Variants in CSTPP1 observed in about 807,000 individuals in gnomAD.
CSTPP1 encodes UPF0705 protein C11orf49.
chr11:46,971,341 A>G, the CSTPP1 span, among the ~76,000 whole-genome samples: 4 of 152,222 alleles, frequency 2.6e-5, no homozygotes, highest in South Asian at 8.3e-4. Flanking sequence ...ACAGAACTTT[A>G]TATTGGGACA....
chr11:47,116,889 G>C, the CSTPP1 span, among the ~76,000 whole-genome samples: 1 of 151,956 alleles, frequency 6.6e-6, no homozygotes, highest in Non-Finnish European at 1.5e-5. Flanking sequence ...CACCATGTTA[G>C]CTAGGATGGC....
chr11:47,005,553 A>C, the CSTPP1 span, among the ~76,000 whole-genome samples: 1 of 152,218 alleles, frequency 6.6e-6, no homozygotes, highest in Non-Finnish European at 1.5e-5. Flanking sequence ...TGAGTCTTAT[A>C]GAGGAGTTTG....
the CSTPP1 span, among the ~76,000 whole-genome samples, chr11:47,030,005 TA>T: frequency 6.6e-6 from 1 of 151,596 alleles, no homozygotes; most frequent in East Asian, 1.9e-4. Context: ...TGCACACCTG[TA>T]GTCCCAGCTA....
the CSTPP1 span, among the ~76,000 whole-genome samples, chr11:46,965,479 C>T: frequency 6.6e-6 from 1 of 152,100 alleles, no homozygotes; most frequent in Non-Finnish European, 1.5e-5. Context: ...CCCGCCTGGG[C>T]CTCCCAAAGT....
the CSTPP1 span, among the ~76,000 whole-genome samples, chr11:47,037,503 C>G: frequency 8.5e-6 from 1 of 117,498 alleles, no homozygotes; most frequent in Non-Finnish European, 2.0e-5. Flanking sequence ...GAACAAAGGT[C>G]TCTGGTTTTC....
chr11:47,056,549 C>A, the CSTPP1 span, among the ~76,000 whole-genome samples: 12 of 152,270 alleles, frequency 7.9e-5, no homozygotes, highest in Non-Finnish European at 1.6e-4. Context: ...TCTCCTTGTG[C>A]CATAAACAAG....
the CSTPP1 span, among the ~76,000 whole-genome samples, chr11:46,989,128 G>A: frequency 6.6e-6 from 1 of 151,982 alleles, no homozygotes; most frequent in African/African-American, 2.4e-5. Flanking sequence ...TACTAGGGAG[G>A]CTGAGGCAGG....
At chr11:47,074,212 A>C in the CSTPP1 span, among the ~76,000 whole-genome samples, 2 of 152,056 alleles carry the variant, frequency 1.3e-5, no homozygotes, top group African/African-American at 4.8e-5. Flanking sequence ...ACAACAAATC[A>C]AAAAGCACCA....
the CSTPP1 span, chr11:47,162,116 G>A: frequency 1.0e-6 from 1 of 986,508 alleles, no homozygotes; most frequent in Non-Finnish European, 1.2e-6. Flanking sequence ...AGAACAGCCA[G>A]TAGCCTTGGT....
the CSTPP1 span, among the ~76,000 whole-genome samples, chr11:47,092,690 C>T: frequency 6.6e-6 from 1 of 152,196 alleles, no homozygotes; most frequent in African/African-American, 2.4e-5. Context: ...CACCTAACAT[C>T]CAGTCCAGTG....
the CSTPP1 span, among the ~76,000 whole-genome samples, chr11:47,117,877 C>CTTTTTT: frequency 9.0e-5 from 6 of 66,348 alleles, no homozygotes; most frequent in African/African-American, 2.5e-4. Flanking sequence ...TATTTCTTTT[C>CTTTTTT]TTTTTTTTTT....
At chr11:46,977,305 C>T in the CSTPP1 span, among the ~76,000 whole-genome samples, 6 of 152,232 alleles carry the variant, frequency 3.9e-5, no homozygotes, top group East Asian at 1.2e-3. Context: ...AGGGAGGCGC[C>T]AGCACAGCAG....
chr11:46,969,630 A>G, the CSTPP1 span, among the ~76,000 whole-genome samples: 6 of 152,368 alleles, frequency 3.9e-5, no homozygotes, highest in East Asian at 9.6e-4. Context: ...AATGCCGTCA[A>G]CAGTGGAACT....
At chr11:46,937,641 C>G in the CSTPP1 span, among the ~76,000 whole-genome samples, 1 of 152,184 alleles carries the variant, frequency 6.6e-6, no homozygotes, top group South Asian at 2.1e-4. Flanking sequence ...GCGATCTTGG[C>G]TCACTGCAAG....
the CSTPP1 span, among the ~76,000 whole-genome samples, chr11:47,021,118 G>T: frequency 6.6e-6 from 1 of 152,114 alleles, no homozygotes; most frequent in African/African-American, 2.4e-5. Context: ...TCATTGTTGT[G>T]GTTGTTGTTA....
At chr11:47,080,896 C>G in the CSTPP1 span, among the ~76,000 whole-genome samples, 2 of 151,278 alleles carry the variant, frequency 1.3e-5, no homozygotes, top group South Asian at 4.2e-4. Context: ...GTAGTGCTAG[C>G]TACTGGGAAG....
chr11:47,116,372 G>A, the CSTPP1 span, among the ~76,000 whole-genome samples: 1 of 152,202 alleles, frequency 6.6e-6, no homozygotes, highest in East Asian at 1.9e-4. Flanking sequence ...GGATATCCTT[G>A]TTAACCTTAT....
the CSTPP1 span, among the ~76,000 whole-genome samples, chr11:47,109,957 T>G: frequency 8.5e-5 from 13 of 152,292 alleles, no homozygotes; most frequent in East Asian, 2.3e-3. Flanking sequence ...GTCTTTGCCC[T>G]TCCTTCTTTC....
the CSTPP1 span, among the ~76,000 whole-genome samples, chr11:47,014,231 GAAGGAAGGAAGGAAGA>G: frequency 2.7e-5 from 4 of 148,330 alleles, no homozygotes; most frequent in East Asian, 2.0e-4. Context: ...GAAAAAGAAA[GAAGGAAGGAAGGAAGA>G]AAGGAAGGAA....
Sources: gnomAD v4.1 joint callset for allele counts (sites outside exome capture counted in the v4.1 genomes callset) on GRCh38, gnomAD v4.1.1 for gene constraint, MANE v1.5 for transcripts, NCBI Gene and HGNC (gene_info 2026-07-23, HGNC 2026-07-21) for gene names.